Variants in NEB observed in about 807,000 individuals in gnomAD.
NEB encodes the protein nemaline myopathy type 2.
A neutral mutation model predicts 952.2 loss-of-function variants in NEB; 512 were observed. The ratio of observed to expected loss-of-function variants is 0.54; its 90% CI spans 0.50 to 0.58. The LOEUF (loss-of-function observed/expected upper bound fraction) is 0.58. NEB is among the 20% of genes least tolerant of loss of function. The pLI, the probability that NEB is intolerant of heterozygous loss-of-function variation, is 0.00. For missense variants in NEB, 8,428 were observed against 9,231.1 expected (o/e 0.91, Z 3.56); for synonymous variants, 2,900 against 3,149.8 (o/e 0.92, Z 2.66).
At chr2:151,538,755 T>A (rs2093627039) in intron 138 of NEB, among the ~76,000 whole-genome samples, 1 of 152,246 alleles carries the variant, frequency 6.6e-6, no homozygotes, top group Non-Finnish European at 1.5e-5. Context: ...CCTTCTTCAC[T>A]AAGCAGTCTT....
At chr2:151,697,752 C>T in intron 13 of NEB, 104 bp from the exon 14 acceptor site, 1 of 773,908 alleles carries the variant, frequency 1.3e-6, no homozygotes, top group Non-Finnish European at 2.0e-6. Flanking sequence ...GAAAAGATAT[C>T]GCCTGTCAAC....
chr2:151,630,515 G>A (rs1041428662), intron 67 of NEB, among the ~76,000 whole-genome samples, 200 bp downstream of exon 67: 11 of 152,124 alleles, frequency 7.2e-5, no homozygotes, highest in African/African-American at 2.7e-4. Flanking sequence ...AAATCACCAC[G>A]AACAGAAAAG....
At position 151,656,241 on chromosome 2, in the gene NEB, T is replaced by G; in HGVS notation, c.6407A>C (p.Asn2136Thr). 1 of 1,613,530 alleles carries G rather than the reference T, an allele frequency of 6.2e-7. No homozygotes were observed. Among genetic ancestry groups the G allele is most frequent in the Non-Finnish European group, 8.5e-7 (1 of 1,179,636 alleles). Residue 2136 changes from asparagine (N) to threonine (T), a missense_variant, in exon 49 of 182, where the codon AAC (asparagine) becomes ACC (threonine). Asn to Thr is a moderately conservative substitution (Grantham distance 65). This residue lies in a region of NEB where 2,851 missense variants were observed against 2,791.5 expected (regional missense o/e 1.02). Coordinates refer to ENST00000397345, the MANE Select transcript of NEB (RefSeq NM_001164508.2). ...KDAQANITNT[N>T]YKHLIHKYIL... ...GTACTTGTGAATCAGGTGCTTGTAG[T>G]TAGTGTTGGTGATGTTGGCTTGGGC... is the stretch of plus-strand genomic sequence containing the variant.
intron 138 of NEB, 59 bp from the exon 139 acceptor site, chr2:151,538,303 C>T (rs1327025047): frequency 1.6e-6 from 2 of 1,267,910 alleles, no homozygotes; most frequent in African/African-American, 3.0e-5. Context: ...TAATTGAGCT[C>T]TTTTAAGCAT....
rs771643485 is a variant in NEB at position 151,518,988 on chromosome 2, T to A, written c.22672A>T (p.Asn7558Tyr). 2.5e-6 allele frequency: 4 copies of A among 1,613,344 alleles called. No homozygotes were observed. Among genetic ancestry groups the A allele is most frequent in the South Asian group, 2.2e-5 (2 of 91,062 alleles). ...ACAGAACTGGCAAGTTGGCTTGTAT[T>A]CAGGACATGATTCATGATCAGAGAC... ...KESLIMNHVL[N>Y]TSQLASSYQY... The change falls in exon 155 of 182, where the codon AAT becomes TAT. Residue 7558 changes from asparagine to tyrosine, a missense_variant. This residue lies in a region of NEB where 3,374 missense variants were observed against 3,651.5 expected (regional missense o/e 0.92). Coordinates refer to ENST00000397345, the MANE Select transcript of NEB (RefSeq NM_001164508.2).
At chr2:151,632,395 G>A (rs2098686560) in intron 65 of NEB, among the ~76,000 whole-genome samples, 1 of 151,990 alleles carries the variant, frequency 6.6e-6, no homozygotes, top group Non-Finnish European at 1.5e-5. Flanking sequence ...ATGAAAACAG[G>A]ACAGGTGTTG....
At chr2:151,566,265 T>C (rs2096387272) in intron 114 of NEB, among the ~76,000 whole-genome samples, 1 of 152,204 alleles carries the variant, frequency 6.6e-6, no homozygotes, top group Admixed American at 6.5e-5. Context: ...ATTCACGTAT[T>C]GGGTAGGGGA....
chr2:151,698,122 C>A (rs976327675), intron 13 of NEB, among the ~76,000 whole-genome samples: 3 of 152,120 alleles, frequency 2.0e-5, no homozygotes, highest in Non-Finnish European at 4.4e-5. Context: ...GACAATCGAA[C>A]ACGGAATGTC....
chr2:151,521,422 A>AG (rs1419438082), intron 153 of NEB, among the ~76,000 whole-genome samples: 1 of 152,220 alleles, frequency 6.6e-6, no homozygotes. Flanking sequence ...AAGAAGTGGA[A>AG]GGCCTGCTAA....
At chr2:151,544,363 T>A (rs2153592920) in intron 135 of NEB, among the ~76,000 whole-genome samples, 1 of 152,310 alleles carries the variant, frequency 6.6e-6, no homozygotes, top group East Asian at 1.9e-4. Context: ...AGGAGAGATG[T>A]GGTGCGGTGG....
chr2:151,551,832 T>G lies in NEB; in HGVS notation c.19850A>C (p.Tyr6617Ser). 2 of 1,611,628 alleles carry G rather than the reference T, an allele frequency of 1.2e-6. No homozygotes were observed. Among genetic ancestry groups the G allele is most frequent in the Non-Finnish European group, 1.7e-6 (2 of 1,178,278 alleles). ...GKQLSDAVYH[Y>S]DYVHSVRGKV... ...GCCTCTGACACTGTGCACATAGTCATAGTGGTAGACAGCCTGGTGCAGAAA... is the reference window on the plus strand; with the variant it reads ...GCCTCTGACACTGTGCACATAGTCAGAGTGGTAGACAGCCTGGTGCAGAAA... The change falls in exon 129 of 182, where the codon TAT becomes TCT. Residue 6617 changes from tyrosine to serine, a missense_variant. Physicochemically the swap from Tyr to Ser is moderately radical, Grantham distance 144. Transcript: ENST00000397345.
At chr2:151,527,329 C>CAGCCAAAGGAGAATAGGCTCCATGGGCA (rs2086845638) in intron 147 of NEB, among the ~76,000 whole-genome samples, 152 bp downstream of exon 147, 1 of 152,162 alleles carries the variant, frequency 6.6e-6, no homozygotes, top group Non-Finnish European at 1.5e-5. Flanking sequence ...GTTCTGAGCT[C>CAGCCAAAGGAGAATAGGCTCCATGGGCA]GCCTATCGCT....
intron 64 of NEB, 38 bp from the exon 65 acceptor site, chr2:151,634,003 C>A (rs1328727264): frequency 6.3e-7 from 1 of 1,589,948 alleles, no homozygotes; most frequent in South Asian, 1.1e-5. Context: ...TTTATTGTAA[C>A]CCCTTAGAGG....
chr2:151,604,307 G>C (rs2153936898), intron 85 of NEB, among the ~76,000 whole-genome samples: 1 of 108,168 alleles, frequency 9.2e-6, no homozygotes, highest in East Asian at 2.4e-4. Flanking sequence ...GCTCAGAGCA[G>C]CTGCAACTGA....
chr2:151,545,524 G>A lies in NEB; in HGVS notation c.20577+364C>T, dbSNP rs988468650. On this transcript the variant is annotated intron_variant, in intron 135 of 181. Transcript: ENST00000397345. ...CAGGAGACAGAGGTTGCAGTGAGCC[G>A]AGATTGCGCCATTGCACTTCAGACT... Among the ~76,000 whole-genome samples, 7 of 151,946 alleles carry A rather than the reference G, an allele frequency of 4.6e-5. No individual in the cohort carries two copies. The South Asian group carries it at 8.3e-4, about 18-fold the overall frequency.
chr2:151,694,202 C>T, intron 20 of NEB, 121 bp downstream of exon 20: 1 of 865,670 alleles, frequency 1.2e-6, no homozygotes, highest in Non-Finnish European at 1.8e-6. Context: ...GTGAAGCTTT[C>T]ATGTGTGATT....
intron 181 of NEB, 72 bp downstream of exon 181, chr2:151,489,899 A>G: frequency 8.4e-7 from 1 of 1,196,808 alleles, no homozygotes; most frequent in Non-Finnish European, 1.2e-6. Context: ...CGTAATACCT[A>G]ATACTTATAA....
chr2:151,681,263 G>A (rs758176542), intron 29 of NEB, among the ~76,000 whole-genome samples: 6 of 152,198 alleles, frequency 3.9e-5, no homozygotes, highest in African/African-American at 7.2e-5. Context: ...GAAGCTGTCC[G>A]GTTGAGGAAG....
intron 168 of NEB, 43 bp from the exon 169 acceptor site, chr2:151,499,433 A>AAAAC (rs1472252458): frequency 2.7e-6 from 3 of 1,094,548 alleles, no homozygotes; most frequent in African/African-American, 1.6e-5. Flanking sequence ...AAGAGCAGTC[A>AAAAC]AAACAGCCCT....
Sources: gnomAD v4.1 joint callset for allele counts (sites outside exome capture counted in the v4.1 genomes callset) on GRCh38, gnomAD v4.1.1 for gene constraint, gnomAD v4.1.1 regional missense constraint, MANE v1.5 for transcripts, NCBI Gene and HGNC (gene_info 2026-07-23, HGNC 2026-07-21) for gene names.